SLC13A2: variants seen among roughly 807,000 people sequenced by gnomAD.
SLC13A2 encodes the protein solute carrier family 13 member 2.
SLC13A2 carries 40 observed loss-of-function variants against 58.5 expected under a neutral mutation model. That is an observed-to-expected ratio of 0.68 (90% CI 0.53 to 0.89). SLC13A2 has a LOEUF of 0.89. SLC13A2 is among the 40% of genes least tolerant of loss of function. The probability of loss-of-function intolerance (pLI) is 0.00; values close to 1 mark genes in which losing one functional copy is unlikely to be tolerated. For missense variants in SLC13A2, 694 were observed against 772.6 expected, an observed-to-expected ratio of 0.90 and a Z score of 1.21; for synonymous variants, 341 against 331.6, an observed-to-expected ratio of 1.03 and a Z score of -0.31.
chr17:28,493,981 C>CT, intron 7 of SLC13A2, 36 bp from the exon 8 acceptor site: 1 of 1,598,606 alleles, frequency 6.3e-7, no homozygotes, highest in East Asian at 2.2e-5. Flanking sequence ...CCCCAAGCGG[C>CT]TAACCCAGCC....
At chr17:28,477,634 C>T (rs1284124437) in intron 1 of SLC13A2, among the ~76,000 whole-genome samples, 2 of 152,216 alleles carry the variant, frequency 1.3e-5, no homozygotes, top group Non-Finnish European at 2.9e-5. Context: ...GAAGAAGGAG[C>T]CCCAGCCTAG....
At chr17:28,489,386 G>A (rs2068956482) in intron 2 of SLC13A2, 44 bp downstream of exon 2, 1 of 1,573,234 alleles carries the variant, frequency 6.4e-7, no homozygotes, top group Non-Finnish European at 8.6e-7. Context: ...CAGTGCGGGA[G>A]GCCAGGGGGT....
chr17:28,477,624 G>A (rs1555600338), intron 1 of SLC13A2, among the ~76,000 whole-genome samples: 1 of 152,254 alleles, frequency 6.6e-6, no homozygotes, highest in African/African-American at 2.4e-5. Flanking sequence ...TCCAAAGGGG[G>A]AAGAAGGAGC....
chr17:28,491,865 G>T lies in SLC13A2; in HGVS notation c.878+13G>T. The T allele has an allele frequency of 6.2e-7, 1 of 1,613,544 alleles. No homozygotes were observed. Among genetic ancestry groups the T allele is most frequent in the Non-Finnish European group, 8.5e-7 (1 of 1,179,518 alleles). ...TCCTGGGCTTCAAGTAAGTGGCAAAGTTGGTGAGAGAAGCCCAGGTCCCTG... is the reference window on the plus strand; with the variant it reads ...TCCTGGGCTTCAAGTAAGTGGCAAATTTGGTGAGAGAAGCCCAGGTCCCTG... On this transcript the variant is annotated intron_variant, in intron 6 of 11. Coordinates refer to ENST00000314669, the MANE Select transcript of SLC13A2 (RefSeq NM_003984.4).
In SLC13A2 at chr17:28,496,108, T is replaced by G. The variant is rs2151465136; in HGVS notation, c.1470+292T>G. 6.6e-6 allele frequency among the ~76,000 whole-genome samples: 1 copy of G among 152,134 alleles called. No homozygotes were observed. Among genetic ancestry groups the G allele is most frequent in the East Asian group, 1.9e-4 (1 of 5,152 alleles). On this transcript the variant is annotated intron_variant, in intron 10 of 11. Transcript: ENST00000314669. The surrounding 1 kb of genome is among the most constrained non-coding windows in gnomAD (Gnocchi z 4.2). ...GTCCCTGTTCTGGTCATTCCTGAGGTGACGGGGTGAAATTGCTCCCCGAAG... is the reference window on the plus strand; with the variant it reads ...GTCCCTGTTCTGGTCATTCCTGAGGGGACGGGGTGAAATTGCTCCCCGAAG...
chr17:28,496,815 T>TG lies in SLC13A2; in HGVS notation c.1608+232dup, dbSNP rs1416084888. On this transcript the variant is annotated intron_variant, in intron 11 of 11. Coordinates refer to ENST00000314669, the MANE Select transcript of SLC13A2 (RefSeq NM_003984.4). This position sits in a 1 kb window ranked among gnomAD's most constrained non-coding sequence, Gnocchi z 4.2. ...GAGGGAGGGAAGTGGGTGGGGAACATGGGGAAGGCTCCAAGGTGCCAGGCA... is the reference window on the plus strand; with the variant it reads ...GAGGGAGGGAAGTGGGTGGGGAACATGGGGGAAGGCTCCAAGGTGCCAGGCA... 6.6e-6 allele frequency among the ~76,000 whole-genome samples: 1 copy of TG among 152,008 alleles called. No individual in the cohort carries two copies. Among genetic ancestry groups the TG allele is most frequent in the Non-Finnish European group, 1.5e-5 (1 of 67,984 alleles).
chr17:28,482,702 A>G (rs541246184), intron 1 of SLC13A2, among the ~76,000 whole-genome samples: 29 of 152,252 alleles, frequency 1.9e-4, no homozygotes, highest in African/African-American at 7.0e-4. Flanking sequence ...GGCTCTTTCC[A>G]AGAATGCATC....
chr17:28,497,601 C>A lies in SLC13A2; in HGVS notation c.*332C>A. On this transcript the variant is annotated 3_prime_UTR_variant, in exon 12 of 12. Coordinates refer to ENST00000314669, the MANE Select transcript of SLC13A2 (RefSeq NM_003984.4). ...CAGTGCACACGTGTGTGTTCACAGA[C>A]AATACAACATGCCCTCTCTGGTGCC... 3.7e-6 allele frequency: 1 copy of A among 267,434 alleles called. No individual in the cohort carries two copies. Among genetic ancestry groups the A allele is most frequent in the Non-Finnish European group, 7.1e-6 (1 of 141,380 alleles). 16.6% of individuals were successfully genotyped at this position (267,434 alleles called of 1,614,324 possible).
intron 1 of SLC13A2, among the ~76,000 whole-genome samples, chr17:28,485,463 T>G: frequency 6.6e-6 from 1 of 152,094 alleles, no homozygotes; most frequent in East Asian, 1.9e-4. Context: ...AATCCCCACT[T>G]CTAGAGCTGG....
At position 28,493,596 on chromosome 17, in the gene SLC13A2, G is replaced by A. The variant is rs782337881; in HGVS notation, c.904G>A (p.Glu302Lys). The A allele has an allele frequency of 2.5e-6, 4 of 1,607,360 alleles. No homozygotes were observed. The African/African-American group carries it at 5.3e-5, about 21-fold the overall frequency. ...CTTCCGGAAGAACTTTGGCATTGGGGAAAAGATGCAGGAGCAACAGCAGGC... is the reference window on the plus strand; with the variant it reads ...CTTCCGGAAGAACTTTGGCATTGGGAAAAAGATGCAGGAGCAACAGCAGGC... ...FNFRKNFGIG[E>K]KMQEQQQAAY... The change falls in exon 7 of 12, where the codon GAA becomes AAA. Residue 302 changes from glutamate (E) to lysine (K), a missense_variant. Glu to Lys is a moderately conservative substitution (Grantham distance 56). Coordinates refer to ENST00000314669, the MANE Select transcript of SLC13A2 (RefSeq NM_003984.4).
At chr17:28,493,961 C>T (rs2069085994) in intron 7 of SLC13A2, 56 bp from the exon 8 acceptor site, 1 of 1,551,894 alleles carries the variant, frequency 6.4e-7, no homozygotes, top group African/African-American at 1.4e-5. Context: ...CACCCTGTGG[C>T]CCTGAGCAAC....
chr17:28,495,592 C>A, intron 9 of SLC13A2, 63 bp from the exon 10 acceptor site: 1 of 1,533,878 alleles, frequency 6.5e-7, no homozygotes, highest in Non-Finnish European at 8.9e-7. Flanking sequence ...CATAGAGCCT[C>A]GGCAGAAGAC....
At chr17:28,486,956 A>G (rs2068893786) in intron 1 of SLC13A2, among the ~76,000 whole-genome samples, 1 of 152,014 alleles carries the variant, frequency 6.6e-6, no homozygotes, top group African/African-American at 2.4e-5. Flanking sequence ...CACCACCACA[A>G]CCAGCTAATT....
intron 1 of SLC13A2, among the ~76,000 whole-genome samples, chr17:28,484,116 T>A (rs191659330): frequency 1.3e-5 from 2 of 152,264 alleles, no homozygotes; most frequent in Admixed American, 1.3e-4. Context: ...CTCGCTGGGG[T>A]GAGCAGAAAC....
intron 1 of SLC13A2, among the ~76,000 whole-genome samples, chr17:28,488,076 C>G (rs369191874): frequency 6.6e-6 from 1 of 152,172 alleles, no homozygotes; most frequent in African/African-American, 2.4e-5. Flanking sequence ...CCCCCACACC[C>G]ACTTTAATGG....
Position 28,491,432 on chromosome 17 carries a change from C to T in SLC13A2, c.575-5C>T. 2 of 1,613,330 alleles carry T rather than the reference C, an allele frequency of 1.2e-6. No homozygotes were observed. The highest frequency in any genetic ancestry group is 1.7e-6 in the Non-Finnish European group (2 of 1,179,906). ...GCCCCCACCTGGGCTCTCCCTTGTT[C>T]CCAGATAATGGGCAGGCCCTCCCTG... On this transcript the variant is annotated splice_region_variant and splice_polypyrimidine_tract_variant and intron_variant, in intron 4 of 11. Transcript: ENST00000314669.
chr17:28,494,320 G>C lies in SLC13A2; in HGVS notation c.1187-71G>C. 1 of 1,613,598 alleles carries C rather than the reference G, an allele frequency of 6.2e-7. No individual in the cohort carries two copies. Among genetic ancestry groups the C allele is most frequent in the Non-Finnish European group, 8.5e-7 (1 of 1,179,788 alleles). On this transcript the variant is annotated intron_variant, in intron 8 of 11. Coordinates refer to ENST00000314669, the MANE Select transcript of SLC13A2 (RefSeq NM_003984.4). The surrounding 1 kb of genome is among the most constrained non-coding windows in gnomAD (Gnocchi z 4.0). Reference sequence around the variant, plus strand: ...AAGCTCCAAAAGGGACCCACACAGGGAGCCCGCAAATGGAGAGGGGAAAGG... The same window carrying C: ...AAGCTCCAAAAGGGACCCACACAGGCAGCCCGCAAATGGAGAGGGGAAAGG...
chr17:28,493,536 G>A (rs1567858246), intron 6 of SLC13A2, 35 bp from the exon 7 acceptor site: 2 of 1,545,188 alleles, frequency 1.3e-6, no homozygotes, highest in East Asian at 2.3e-5. Flanking sequence ...GCTGGAGCAG[G>A]CCCCCCACGA....
chr17:28,490,300 A>G, intron 2 of SLC13A2, 154 bp from the exon 3 acceptor site: 1 of 1,578,530 alleles, frequency 6.3e-7, no homozygotes. Flanking sequence ...TTTTTTTTAA[A>G]TGGCAGATCA....
Sources: allele counts gnomAD v4.1 joint callset (sites outside exome capture counted in the v4.1 genomes callset), GRCh38; gene constraint gnomAD v4.1.1; non-coding constraint Gnocchi (gnomAD v3.1); transcripts MANE v1.5; gene names NCBI Gene and HGNC (gene_info 2026-07-23, HGNC 2026-07-21).